CTPS1: variants seen among roughly 807,000 people sequenced by gnomAD.
CTPS1 encodes CTP synthetase 1.
A neutral mutation model predicts 80.5 loss-of-function variants in CTPS1; 25 were observed. The observed-to-expected ratio is 0.31, with a 90% CI of 0.23 to 0.43. The LOEUF (loss-of-function observed/expected upper bound fraction) is 0.43. Among genes scored for constraint, CTPS1 ranks in the 20% least tolerant of loss-of-function variants. The pLI, the probability that CTPS1 is intolerant of heterozygous loss-of-function variation, is 1.00. For synonymous variants in CTPS1, 267 were observed against 252.5 expected, an observed-to-expected ratio of 1.06 and a Z score of -0.54; for missense variants, 442 against 725.7, an observed-to-expected ratio of 0.61 and a Z score of 4.49.
chr1:40,991,945 A>G (rs1642620507), intron 7 of CTPS1, 100 bp downstream of exon 7: 1 of 895,656 alleles, frequency 1.1e-6, no homozygotes, highest in Non-Finnish European at 1.8e-6. Flanking sequence ...CTAATTAGAG[A>G]TAGTGGGCTG....
chr1:40,988,515 A>G, intron 4 of CTPS1, 79 bp from the exon 5 acceptor site: 1 of 886,392 alleles, frequency 1.1e-6, no homozygotes, highest in Admixed American at 1.8e-5. Context: ...TGAATCAGGA[A>G]GACAGAACAG....
intron 1 of CTPS1, 133 bp from the exon 2 acceptor site, chr1:40,983,145 G>T: frequency 1.5e-6 from 1 of 666,250 alleles, no homozygotes; most frequent in Non-Finnish European, 2.5e-6. Context: ...AGAACCTTCT[G>T]AAGTCCTGTG....
At chr1:40,994,588 G>A (rs1287465100) in intron 7 of CTPS1, among the ~76,000 whole-genome samples, 1 of 152,144 alleles carries the variant, frequency 6.6e-6, no homozygotes, top group Admixed American at 6.5e-5. Flanking sequence ...TTGTTTACCT[G>A]TAAATTCTTT....
In CTPS1 at chr1:40,995,844, C is replaced by CA. The variant is rs1435250272; in HGVS notation, c.721-72dup. 37 of 1,439,856 alleles carry CA rather than the reference C, an allele frequency of 2.6e-5. No individual in the cohort carries two copies. In the East Asian group the frequency reaches 8.2e-4, roughly 32 times the overall value. 89.2% of individuals were successfully genotyped at this position (1,439,856 alleles called of 1,614,324 possible). On this transcript the variant is annotated intron_variant, in intron 7 of 18. Transcript: ENST00000650070. The stretch of plus-strand genomic sequence containing the variant: ...CAAATACATAATATTTTTACAAGGT[C>CA]ACGTAGCTAGTAGGAGGCTGTAAGC...
chr1:40,979,857 G>T (rs1651770774), intron 1 of CTPS1, 28 bp downstream of exon 1: 1 of 152,186 alleles, frequency 6.6e-6, no homozygotes, highest in African/African-American at 2.4e-5. Context: ...ATCCCGGGGG[G>T]GATCTGTTCT....
intron 5 of CTPS1, among the ~76,000 whole-genome samples, chr1:40,990,037 G>A (rs1482240008): frequency 6.6e-6 from 1 of 152,016 alleles, no homozygotes; most frequent in East Asian, 1.9e-4. Flanking sequence ...GAACCCCAGG[G>A]GTCAGCAAAT....
At chr1:40,982,440 A>G (rs1415307068) in intron 1 of CTPS1, among the ~76,000 whole-genome samples, 3 of 151,026 alleles carry the variant, frequency 2.0e-5, no homozygotes, top group Non-Finnish European at 2.9e-5. Context: ...CGCACGCTGG[A>G]GTGCAGTGGC....
intron 7 of CTPS1, among the ~76,000 whole-genome samples, chr1:40,993,685 G>T (rs1642675723): frequency 6.6e-6 from 1 of 151,010 alleles, no homozygotes; most frequent in South Asian, 2.1e-4. Flanking sequence ...GAGTTGACTT[G>T]ATATAGTCTG....
chr1:40,994,668 A>AT (rs925479657), intron 7 of CTPS1, among the ~76,000 whole-genome samples: 36 of 150,932 alleles, frequency 2.4e-4, no homozygotes, highest in Admixed American at 4.0e-4. Flanking sequence ...TTTCTGGTTC[A>AT]TTTTTTTTTC....
At chr1:41,008,398 T>C (rs1266555973) in intron 14 of CTPS1, among the ~76,000 whole-genome samples, 1 of 152,224 alleles carries the variant, frequency 6.6e-6, no homozygotes, top group Non-Finnish European at 1.5e-5. Flanking sequence ...GCCCATACTT[T>C]GCAATCATGT....
In CTPS1 at chr1:40,987,249, T is replaced by C. The variant is rs1642479768; in HGVS notation, c.338-123T>C. On this transcript the variant is annotated intron_variant, in intron 3 of 18. Coordinates refer to ENST00000650070, the MANE Select transcript of CTPS1 (RefSeq NM_001905.4). ...TTAAAGGGGGCCTCAAAAGTATTTT[T>C]ATGACCCTATTGCTACTCTCTCCAG... 1.3e-5 allele frequency: 9 copies of C among 696,188 alleles called. No individual in the cohort carries two copies. The East Asian group carries it at 2.2e-4, about 17-fold the overall frequency. 43.1% of individuals were successfully genotyped at this position (696,188 alleles called of 1,614,324 possible).
At chr1:40,986,931 C>T (rs1403227082) in intron 3 of CTPS1, among the ~76,000 whole-genome samples, 1 of 152,208 alleles carries the variant, frequency 6.6e-6, no homozygotes, top group African/African-American at 2.4e-5. Context: ...CTGTGCTGTG[C>T]TGGCTCACTG....
intron 5 of CTPS1, 71 bp from the exon 6 acceptor site, chr1:40,991,094 G>T: frequency 8.9e-7 from 1 of 1,124,236 alleles, no homozygotes. Context: ...AGAGGTTCAA[G>T]GAAAAGTCAT....
At chr1:41,001,180 C>A in intron 10 of CTPS1, 63 bp downstream of exon 10, 1 of 1,243,586 alleles carries the variant, frequency 8.0e-7, no homozygotes, top group Admixed American at 2.5e-5. Flanking sequence ...TGAAAAAGTC[C>A]TCTTGTTTTC....
At chr1:40,985,260 C>T (rs1430144325) in intron 3 of CTPS1, among the ~76,000 whole-genome samples, 1 of 152,202 alleles carries the variant, frequency 6.6e-6, no homozygotes, top group Non-Finnish European at 1.5e-5. Flanking sequence ...GATACGAGTC[C>T]AGAGAGCTGT....
At chr1:40,986,304 C>T (rs567704959) in intron 3 of CTPS1, among the ~76,000 whole-genome samples, 3 of 152,238 alleles carry the variant, frequency 2.0e-5, no homozygotes, top group East Asian at 1.9e-4. Flanking sequence ...ATGAGAAGTG[C>T]GGAGGCGCAG....
chr1:40,992,026 C>T (rs565467274), intron 7 of CTPS1, among the ~76,000 whole-genome samples, 181 bp downstream of exon 7: 1 of 152,330 alleles, frequency 6.6e-6, no homozygotes, highest in Non-Finnish European at 1.5e-5. Flanking sequence ...CTGTGTCCCT[C>T]CTGCCTCTTC....
chr1:40,984,391 A>T (rs1007899454), intron 2 of CTPS1, among the ~76,000 whole-genome samples: 37 of 152,244 alleles, frequency 2.4e-4, no homozygotes, highest in African/African-American at 8.7e-4. Flanking sequence ...TGATTTTTAT[A>T]ATCAGCACAA....
At chr1:40,984,187 T>C (rs7523029) in intron 2 of CTPS1, among the ~76,000 whole-genome samples, 42,655 of 152,058 alleles carry the variant, frequency 0.28, 6,305 homozygotes, top group African/African-American at 0.31. Context: ...GGATGAGTTA[T>C]CTCTCTGAGG....
Sources: allele counts gnomAD v4.1 joint callset (sites outside exome capture counted in the v4.1 genomes callset), GRCh38; gene constraint gnomAD v4.1.1; transcripts MANE v1.5; gene names NCBI Gene and HGNC (gene_info 2026-07-23, HGNC 2026-07-21).